The following LARP1 variants were observed in gnomAD, a reference collection of about 807,000 sequenced individuals.
The protein encoded by LARP1 is La ribonucleoprotein 1, translational regulator, also known as la-related protein 1.
A neutral mutation model predicts 122.7 loss-of-function variants in LARP1; 36 were observed. The ratio of observed to expected loss-of-function variants is 0.29; its 90% CI spans 0.22 to 0.39. The LOEUF is 0.39. LARP1 is among the 10% of genes least tolerant of loss of function. The pLI is 1.00. For missense variants in LARP1, 1,040 were observed against 1,403.6 expected (o/e 0.74, Z 4.14); for synonymous variants, 539 against 528.7 (o/e 1.02, Z -0.27).
intron 1 of LARP1, among the ~76,000 whole-genome samples, chr5:154,738,961 A>C (rs1055424335): frequency 6.6e-6 from 1 of 152,146 alleles, no homozygotes; most frequent in Non-Finnish European, 1.5e-5. Flanking sequence ...ATAAATAAAA[A>C]ATTTAAAATA....
rs1364518357 is a variant in LARP1, at chr5:154,814,706, C to G, written c.*610C>G. The G allele has an allele frequency of 6.6e-6, 1 of 152,588 alleles. No individual in the cohort carries two copies. The highest frequency in any genetic ancestry group is 2.4e-5 in the African/African-American group (1 of 41,414). The allele number at this position is 152,588 out of a possible 1,614,324, so 9.5% of individuals were successfully genotyped here. On this transcript the variant is annotated 3_prime_UTR_variant, in exon 19 of 19. Transcript: ENST00000518297. ...GAGAAGGAAACCAAAGGATCTAAAA[C>G]TGGGGTTTGGGGGAAGGTTTCAGCC... is the stretch of plus-strand genomic sequence containing the variant.
chr5:154,748,669 C>T (rs1488938333), intron 1 of LARP1, among the ~76,000 whole-genome samples: 1 of 152,182 alleles, frequency 6.6e-6, no homozygotes, highest in East Asian at 1.9e-4. Flanking sequence ...ATATACTCTG[C>T]TATACATGTC....
upstream of LARP1, among the ~76,000 whole-genome samples, chr5:154,755,207 C>CGT (rs533509886): frequency 1.4e-5 from 2 of 146,962 alleles, no homozygotes; most frequent in African/African-American, 5.0e-5. Context: ...CGTAGCCGTG[C>CGT]GCGCGCCGTC....
intron 1 of LARP1, among the ~76,000 whole-genome samples, chr5:154,732,517 C>G (rs1277115301): frequency 6.6e-6 from 1 of 152,188 alleles, no homozygotes; most frequent in Non-Finnish European, 1.5e-5. Context: ...GGAAAAATTG[C>G]TGTGATTAAT....
intron 1 of LARP1, among the ~76,000 whole-genome samples, chr5:154,691,359 G>A (rs1192437215): frequency 6.6e-6 from 1 of 152,156 alleles, no homozygotes; most frequent in East Asian, 1.9e-4. Context: ...TGTGACCTTG[G>A]GCCAGTCGCT....
chr5:154,708,308 C>T (rs1437438165), upstream of LARP1, among the ~76,000 whole-genome samples: 1 of 152,154 alleles, frequency 6.6e-6, no homozygotes, highest in South Asian at 2.1e-4. Context: ...ACATAGTGGT[C>T]GTTGTCCCCT....
intron 1 of LARP1, among the ~76,000 whole-genome samples, chr5:154,781,325 G>T (rs1009422195): frequency 1.3e-5 from 2 of 152,134 alleles, no homozygotes; most frequent in East Asian, 3.9e-4. Flanking sequence ...CTACCTTCTG[G>T]GCTCACGCCT....
rs767862014 is a variant in LARP1, at chr5:154,803,795, A to C, written c.2439+50A>C. 6 of 1,542,378 alleles carry C rather than the reference A, an allele frequency of 3.9e-6. No homozygotes were observed. The African/African-American group carries it at 8.2e-5, about 21-fold the overall frequency. On this transcript the variant is annotated intron_variant, in intron 13 of 18. Coordinates refer to ENST00000518297, the MANE Select transcript of LARP1 (RefSeq NM_033551.3). The surrounding 1 kb of genome is among the most constrained non-coding windows in gnomAD (Gnocchi z 4.4). Reference sequence around the variant, plus strand: ...CAGAGTCTTGGGTCTACTTCATTGCATTCCAGTGCTTTGCTTCTCTCCCTT... The same window carrying C: ...CAGAGTCTTGGGTCTACTTCATTGCCTTCCAGTGCTTTGCTTCTCTCCCTT...
At chr5:154,794,740 A>G (rs976332335) in intron 7 of LARP1, among the ~76,000 whole-genome samples, 6 of 152,262 alleles carry the variant, frequency 3.9e-5, no homozygotes, top group East Asian at 1.9e-4. Flanking sequence ...GTAAGTAACA[A>G]AGCACAGATT....
intron 1 of LARP1, chr5:154,685,832 A>C (rs370437195): frequency 2.8e-4 from 143 of 511,080 alleles, no homozygotes; most frequent in Non-Finnish European, 4.6e-4. Context: ...TAAATTTTAG[A>C]GACGGGGTCT....
At chr5:154,746,837 C>G (rs1049029734) in intron 1 of LARP1, among the ~76,000 whole-genome samples, 2 of 151,960 alleles carry the variant, frequency 1.3e-5, no homozygotes, top group Admixed American at 6.6e-5. Flanking sequence ...TACTAAAAAA[C>G]TGAAATTAAA....
At chr5:154,719,810 C>T (rs537453179) in intron 1 of LARP1, among the ~76,000 whole-genome samples, 1 of 149,902 alleles carries the variant, frequency 6.7e-6, no homozygotes, top group South Asian at 2.1e-4. Flanking sequence ...TGCAGTGAGC[C>T]GAAATTGTGC....
chr5:154,704,626 G>A (rs1202919006), intron 1 of LARP1, among the ~76,000 whole-genome samples: 3 of 132,772 alleles, frequency 2.3e-5, no homozygotes, highest in Admixed American at 8.6e-5. Flanking sequence ...CAGCTTGGGC[G>A]ACAGGAATGA....
intron 1 of LARP1, among the ~76,000 whole-genome samples, chr5:154,720,322 C>G (rs776841399): frequency 6.6e-6 from 1 of 152,130 alleles, no homozygotes; most frequent in Non-Finnish European, 1.5e-5. Flanking sequence ...ACAGGAACTG[C>G]CAATACTGCT....
chr5:154,778,165 C>T (rs1389529646), intron 1 of LARP1, among the ~76,000 whole-genome samples: 1 of 150,284 alleles, frequency 6.7e-6, no homozygotes, highest in Non-Finnish European at 1.5e-5. Flanking sequence ...GAGGCTGAGG[C>T]AGGAGAATGG....
intron 1 of LARP1, among the ~76,000 whole-genome samples, chr5:154,728,958 C>A (rs1756393787): frequency 6.6e-6 from 1 of 152,118 alleles, no homozygotes; most frequent in Non-Finnish European, 1.5e-5. Flanking sequence ...TCTCAGGTGC[C>A]AGGGAAAGTT....
rs371545659 is a variant in LARP1, at chr5:154,795,147, G to A, written c.1233-28G>A. 1.3e-5 allele frequency: 21 copies of A among 1,610,764 alleles called. No individual in the cohort carries two copies. The African/African-American group carries it at 2.0e-4, about 15-fold the overall frequency. On this transcript the variant is annotated intron_variant, in intron 7 of 18. Coordinates refer to ENST00000518297, the MANE Select transcript of LARP1 (RefSeq NM_033551.3). ...ATAAAACTGATGCACCAATCCCTCGGTGATAACTACTTCTTCCCTCCACTT... is the reference window on the plus strand; with the variant it reads ...ATAAAACTGATGCACCAATCCCTCGATGATAACTACTTCTTCCCTCCACTT...
chr5:154,694,710 T>C (rs749777), intron 1 of LARP1, among the ~76,000 whole-genome samples: 115,384 of 152,116 alleles, frequency 0.76, 44,262 homozygotes, highest in African/African-American at 0.88. Context: ...GTGTTTAGGG[T>C]TGAAGTGTTA....
intron 16 of LARP1, among the ~76,000 whole-genome samples, chr5:154,810,557 G>A (rs778238130): frequency 2.6e-5 from 4 of 151,858 alleles, no homozygotes; most frequent in Admixed American, 6.6e-5. Flanking sequence ...GCGCAATCTC[G>A]GCTCACTGCA....
Sources: allele counts gnomAD v4.1 joint callset (sites outside exome capture counted in the v4.1 genomes callset), GRCh38; gene constraint gnomAD v4.1.1; non-coding constraint Gnocchi (gnomAD v3.1); transcripts MANE v1.5; gene names NCBI Gene and HGNC (gene_info 2026-07-23, HGNC 2026-07-21).